Variants in SLC13A2 observed in about 807,000 individuals in gnomAD.
The protein encoded by SLC13A2 is Na(+)-coupled citrate transporter.
Under a neutral mutation model 58.5 loss-of-function variants are expected in SLC13A2, and 40 were observed. The ratio of observed to expected loss-of-function variants is 0.68; its 90% CI spans 0.53 to 0.89. The LOEUF (loss-of-function observed/expected upper bound fraction) is 0.89, where lower values mean the gene tolerates loss of function less well. SLC13A2 is among the 40% of genes least tolerant of loss of function. SLC13A2 has a pLI of 0.00. For missense variants in SLC13A2, 694 were observed against 772.6 expected (o/e 0.90, Z 1.21); for synonymous variants, 341 against 331.6 (o/e 1.03, Z -0.31).
At chr17:28,495,091 C>G (rs1203876542) in intron 9 of SLC13A2, among the ~76,000 whole-genome samples, 2 of 152,204 alleles carry the variant, frequency 1.3e-5, no homozygotes, top group African/African-American at 4.8e-5. Flanking sequence ...TGTGCCCAGT[C>G]CTGTGCTAGG....
intron 1 of SLC13A2, among the ~76,000 whole-genome samples, chr17:28,476,525 C>A (rs143434481): frequency 5.3e-5 from 8 of 152,230 alleles, no homozygotes; most frequent in African/African-American, 7.2e-5. Flanking sequence ...GCTCCCTCCC[C>A]CTGTGACCCA....
At chr17:28,474,875 C>A (rs2068644753) in intron 1 of SLC13A2, among the ~76,000 whole-genome samples, 1 of 152,118 alleles carries the variant, frequency 6.6e-6, no homozygotes, top group Non-Finnish European at 1.5e-5. Context: ...GCCCATCAAG[C>A]CATTTTCTTC....
chr17:28,480,167 A>AG (rs1319692920), intron 1 of SLC13A2, among the ~76,000 whole-genome samples: 13 of 133,382 alleles, frequency 9.7e-5, no homozygotes, highest in African/African-American at 2.2e-4. Context: ...AAAAAAAAAA[A>AG]GGGGGGGTCA....
intron 1 of SLC13A2, among the ~76,000 whole-genome samples, chr17:28,474,100 A>C (rs1350065807): frequency 6.6e-6 from 1 of 152,198 alleles, no homozygotes; most frequent in African/African-American, 2.4e-5. Context: ...CAAGGGGGGC[A>C]GATGGAGCTG....
Position 28,473,664 on chromosome 17 carries a change from A to G in SLC13A2, c.-49A>G. On this transcript the variant is annotated 5_prime_UTR_variant, in exon 1 of 12. Transcript: ENST00000314669. ...TGGCTGCATCTTTGGTCCTTCTGTT[A>G]CCCAGCTCCTGGAGGCAGTGGCTGT... 6.9e-7 allele frequency: 1 copy of G among 1,439,672 alleles called. No individual in the cohort carries two copies. The highest frequency in any genetic ancestry group is 9.7e-7 in the Non-Finnish European group (1 of 1,027,794). The allele number at this position is 1,439,672 out of a possible 1,614,324, so 89.2% of individuals were successfully genotyped here.
chr17:28,497,150 G>A lies in SLC13A2; in HGVS notation c.1660G>A (p.Ala554Thr), dbSNP rs1555604786. ...NIIGVLIIAL[A>T]INSWGIPLFS... ...CATTGGAGTCCTGATCATCGCACTG[G>A]CCATCAACAGCTGGGGCATCCCCCT... The change falls in exon 12 of 12, where the codon GCC (alanine) becomes ACC (threonine). Residue 554 changes from alanine (A) to threonine (T), a missense_variant. By Grantham distance (58) the Ala-to-Thr change is moderately conservative. Transcript: ENST00000314669. The A allele has an allele frequency of 6.2e-7, 1 of 1,613,888 alleles. No individual in the cohort carries two copies. The highest frequency in any genetic ancestry group is 8.5e-7 in the Non-Finnish European group (1 of 1,179,964).
rs571875387 is a variant in SLC13A2, at chr17:28,479,429, A to T, written c.102+5615A>T. Among the ~76,000 whole-genome samples, 4 of 152,224 alleles carry T rather than the reference A, an allele frequency of 2.6e-5. No individual in the cohort carries two copies. The East Asian group carries it at 7.8e-4, about 30-fold the overall frequency. On this transcript the variant is annotated intron_variant, in intron 1 of 11. Transcript: ENST00000314669. ...TAGAGAAGAGGGTTGAGGTCAGCCA[A>T]TGTCAGCCCTACAAGGCTACAGGGA...
intron 1 of SLC13A2, among the ~76,000 whole-genome samples, chr17:28,484,102 G>T (rs1347400614): frequency 6.6e-6 from 1 of 152,198 alleles, no homozygotes; most frequent in African/African-American, 2.4e-5. Flanking sequence ...TAGATGCCAG[G>T]CACCTCGCTG....
At position 28,494,101 on chromosome 17, in the gene SLC13A2, C is replaced by T. The variant is rs11568444; in HGVS notation, c.1182C>T (p.Asp394=). The T allele has an allele frequency of 1.1e-4, 181 of 1,613,822 alleles. No individual in the cohort carries two copies. The highest frequency in any genetic ancestry group is 5.9e-4 in the African/African-American group (44 of 74,904). Residue 394 remains aspartate (D), a synonymous_variant, in exon 8 of 12, where the codon GAC becomes GAT. Transcript: ENST00000314669. This position sits in a 1 kb window ranked among gnomAD's most constrained non-coding sequence, Gnocchi z 4.0. ...IPSKFPGLTQ[D]PENPGKLKAP... is the part of the protein sequence containing the mutation. ...CCAAGTTCCCAGGGCTGACCCAGGA[C>T]CCAGGTAAGCACCTGGACTGGGGCA...
In SLC13A2 at chr17:28,491,421, T is replaced by A; in HGVS notation, c.575-16T>A. 6.2e-7 allele frequency: 1 copy of A among 1,612,696 alleles called. No homozygotes were observed. The highest frequency in any genetic ancestry group is 8.5e-7 in the Non-Finnish European group (1 of 1,179,670). ...GCCCTGTACCTGCCCCCACCTGGGC[T>A]CTCCCTTGTTCCCAGATAATGGGCA... On this transcript the variant is annotated splice_polypyrimidine_tract_variant and intron_variant, in intron 4 of 11. Transcript: ENST00000314669.
intron 1 of SLC13A2, among the ~76,000 whole-genome samples, chr17:28,479,632 G>A (rs766186886): frequency 6.6e-6 from 1 of 152,238 alleles, no homozygotes; most frequent in Non-Finnish European, 1.5e-5. Flanking sequence ...AGTCAATATT[G>A]CATTTATTGT....
chr17:28,475,532 AG>A (rs1597864865), intron 1 of SLC13A2, among the ~76,000 whole-genome samples: 4 of 152,310 alleles, frequency 2.6e-5, no homozygotes, highest in African/African-American at 2.4e-5. Flanking sequence ...CGCTCCTTCC[AG>A]GATAGTGCCT....
chr17:28,474,383 G>A (rs893342879), intron 1 of SLC13A2, among the ~76,000 whole-genome samples: 1 of 152,158 alleles, frequency 6.6e-6, no homozygotes, highest in Admixed American at 6.5e-5. Flanking sequence ...CAAAAACTGT[G>A]CCCTGGATGG....
intron 1 of SLC13A2, among the ~76,000 whole-genome samples, chr17:28,475,848 G>T (rs1193865664): frequency 2.0e-5 from 3 of 151,996 alleles, no homozygotes; most frequent in African/African-American, 7.3e-5. Flanking sequence ...GGTTTTCCAG[G>T]GTCCCCACTT....
intron 1 of SLC13A2, among the ~76,000 whole-genome samples, chr17:28,475,613 T>C (rs1259385050): frequency 6.6e-6 from 1 of 152,214 alleles, no homozygotes; most frequent in Non-Finnish European, 1.5e-5. Context: ...CTTTCTCTTT[T>C]GTCAGCTCCC....
intron 6 of SLC13A2, 29 bp from the exon 7 acceptor site, chr17:28,493,542 C>A (rs151202367): frequency 1.3e-4 from 198 of 1,561,622 alleles, no homozygotes; most frequent in South Asian, 3.0e-4. Context: ...GCAGGCCCCC[C>A]ACGAGCTGCC....
At position 28,474,161 on chromosome 17, in the gene SLC13A2, G is replaced by A. The variant is rs185962435; in HGVS notation, c.102+347G>A. 9.1e-4 allele frequency among the ~76,000 whole-genome samples: 138 copies of A among 152,334 alleles called. 1 individual carries two copies. The highest frequency in any genetic ancestry group is 3.2e-3 in the African/African-American group (132 of 41,580). ...CCCTGGACTGGGCTCCATGGCGGCTGAGATGGGCTGGCTGTGGGGAGGGGA... is the reference window on the plus strand; with the variant it reads ...CCCTGGACTGGGCTCCATGGCGGCTAAGATGGGCTGGCTGTGGGGAGGGGA... On this transcript the variant is annotated intron_variant, in intron 1 of 11. Transcript: ENST00000314669.
At chr17:28,497,004 T>A in intron 11 of SLC13A2, 95 bp from the exon 12 acceptor site, 1 of 1,321,440 alleles carries the variant, frequency 7.6e-7, no homozygotes, top group South Asian at 1.3e-5. Context: ...AGAATTTTGC[T>A]GGTAGGAGGG....
At position 28,496,189 on chromosome 17, in the gene SLC13A2, G is replaced by A. The variant is rs1361586154; in HGVS notation, c.1471-261G>A. 4.6e-5 allele frequency among the ~76,000 whole-genome samples: 7 copies of A among 151,980 alleles called. No homozygotes were observed. The highest frequency in any genetic ancestry group is 1.9e-4 in the East Asian group (1 of 5,166). On this transcript the variant is annotated intron_variant, in intron 10 of 11. Transcript: ENST00000314669. This position sits in a 1 kb window ranked among gnomAD's most constrained non-coding sequence, Gnocchi z 4.2. ...TCCTGCAGCCTTTGATGACACCCCCGGAGCCCCTTTGAGATCAGTTTTATG... is the reference window on the plus strand; with the variant it reads ...TCCTGCAGCCTTTGATGACACCCCCAGAGCCCCTTTGAGATCAGTTTTATG...
Sources: allele counts gnomAD v4.1 joint callset (sites outside exome capture counted in the v4.1 genomes callset), GRCh38; gene constraint gnomAD v4.1.1; non-coding constraint Gnocchi (gnomAD v3.1); transcripts MANE v1.5; gene names NCBI Gene and HGNC (gene_info 2026-07-23, HGNC 2026-07-21).